Variants in HAPSTR1 observed in about 807,000 individuals in gnomAD.
HAPSTR1 encodes the protein HUWE1-associated protein modifying stress responses 1.
At chr16:9,092,817 C>T in the HAPSTR1 span, 2 of 1,233,204 alleles carry the variant, frequency 1.6e-6, no homozygotes, top group South Asian at 1.4e-5. Context: ...ATGGCCGTTC[C>T]GGAGTGATTG....
At chr16:9,104,313 G>C in the HAPSTR1 span, 1 of 152,140 alleles carries the variant, frequency 6.6e-6, no homozygotes, top group East Asian at 1.9e-4. Flanking sequence ...GTGTTGGTCA[G>C]GCTGGTCTCG....
At chr16:9,120,727 G>T in the HAPSTR1 span, 1 of 143,776 alleles carries the variant, frequency 7.0e-6, no homozygotes, top group Non-Finnish European at 1.5e-5. Context: ...ACCCAGGCTG[G>T]AGTGCAGTGG....
At chr16:9,093,067 C>A in the HAPSTR1 span, 2 of 1,447,878 alleles carry the variant, frequency 1.4e-6, no homozygotes, top group Non-Finnish European at 9.5e-7. Flanking sequence ...GTCTGCCCTG[C>A]GTTCCAAGTG....
the HAPSTR1 span, chr16:9,120,599 C>G: frequency 6.7e-6 from 1 of 149,206 alleles, no homozygotes; most frequent in Non-Finnish European, 1.5e-5. Flanking sequence ...AGATTTAAAA[C>G]AGCAAAAATC....
chr16:9,107,553 T>C, the HAPSTR1 span: 1 of 152,268 alleles, frequency 6.6e-6, no homozygotes, highest in East Asian at 1.9e-4. Flanking sequence ...TTTCTGGTCT[T>C]GTCACTTCAT....
At chr16:9,117,658 C>G in the HAPSTR1 span, 1 of 152,572 alleles carries the variant, frequency 6.6e-6, no homozygotes, top group African/African-American at 2.4e-5. Flanking sequence ...AACACTACTT[C>G]CCATGCGGGG....
At chr16:9,116,951 C>A in the HAPSTR1 span, 22 of 1,607,678 alleles carry the variant, frequency 1.4e-5, no homozygotes, top group African/African-American at 2.8e-4. Flanking sequence ...TGCTTGAAAG[C>A]CACTTGATCC....
chr16:9,093,296 A>G, the HAPSTR1 span, among the ~76,000 whole-genome samples: 2 of 152,108 alleles, frequency 1.3e-5, no homozygotes, highest in Non-Finnish European at 2.9e-5. Flanking sequence ...TGCAGTGCCC[A>G]AGATAACCGC....
chr16:9,102,850 G>A, the HAPSTR1 span: 14 of 850,700 alleles, frequency 1.6e-5, no homozygotes, highest in South Asian at 1.2e-4. Flanking sequence ...AATCATTTCA[G>A]TTTATATTAC....
the HAPSTR1 span, among the ~76,000 whole-genome samples, chr16:9,096,140 C>T: frequency 1.3e-5 from 2 of 152,148 alleles, no homozygotes; most frequent in African/African-American, 2.4e-5. Flanking sequence ...TGTTAATTCA[C>T]CATTGTGCTC....
chr16:9,108,705 C>G, the HAPSTR1 span: 2 of 152,172 alleles, frequency 1.3e-5, no homozygotes, highest in Non-Finnish European at 2.9e-5. Flanking sequence ...AGGTGAATGA[C>G]CAACTGTATC....
At chr16:9,098,683 A>G in the HAPSTR1 span, among the ~76,000 whole-genome samples, 1 of 152,138 alleles carries the variant, frequency 6.6e-6, no homozygotes, top group African/African-American at 2.4e-5. Flanking sequence ...AGAATAAAAT[A>G]TTTTTCTGTG....
chr16:9,092,030 G>A, the HAPSTR1 span: 1 of 1,494,826 alleles, frequency 6.7e-7, no homozygotes, highest in South Asian at 1.3e-5. Flanking sequence ...GCGAGGCCGC[G>A]GGAGGCCGCG....
the HAPSTR1 span, chr16:9,109,077 G>A: frequency 6.6e-6 from 1 of 152,170 alleles, no homozygotes; most frequent in Non-Finnish European, 1.5e-5. Context: ...TTAAATTGCA[G>A]CTATCACACT....
the HAPSTR1 span, chr16:9,112,334 G>T: frequency 5.3e-5 from 8 of 152,230 alleles, no homozygotes; most frequent in Non-Finnish European, 8.8e-5. Context: ...CCCCGGTCAG[G>T]ATATTACCCA....
chr16:9,094,732 C>T, the HAPSTR1 span, among the ~76,000 whole-genome samples: 1 of 152,156 alleles, frequency 6.6e-6, no homozygotes, highest in African/African-American at 2.4e-5. Context: ...GTGGCAGTAC[C>T]ATGGTTTATT....
the HAPSTR1 span, chr16:9,118,469 T>C: frequency 6.5e-6 from 1 of 152,784 alleles, no homozygotes; most frequent in South Asian, 2.1e-4. Context: ...GTGAATGGAA[T>C]GTTAGAAATG....
the HAPSTR1 span, chr16:9,104,418 A>G: frequency 6.6e-6 from 1 of 152,206 alleles, no homozygotes; most frequent in Non-Finnish European, 1.5e-5. Context: ...TCTTGTTGAA[A>G]GTTAACATTT....
the HAPSTR1 span, chr16:9,106,001 C>G: frequency 6.6e-6 from 1 of 152,210 alleles, no homozygotes; most frequent in African/African-American, 2.4e-5. Flanking sequence ...TTGACACCTG[C>G]TGAATATTTC....
Sources: gnomAD v4.1 joint callset for allele counts (sites outside exome capture counted in the v4.1 genomes callset) on GRCh38, gnomAD v4.1.1 for gene constraint, MANE v1.5 for transcripts, NCBI Gene and HGNC (gene_info 2026-07-23, HGNC 2026-07-21) for gene names.